Variants in OLFM3 observed in about 807,000 individuals in gnomAD.
OLFM3 encodes the protein olfactomedin 3.
OLFM3 carries 20 observed loss-of-function variants against 48.6 expected under a neutral mutation model. The ratio of observed to expected loss-of-function variants is 0.41; its 90% confidence interval spans 0.29 to 0.60. OLFM3 has a LOEUF of 0.60. OLFM3 is among the 20% of genes least tolerant of loss of function. The pLI, the probability that OLFM3 is intolerant of heterozygous loss-of-function variation, is 0.28. For missense variants in OLFM3, 437 were observed against 544.3 expected (o/e 0.80, Z 1.96); for synonymous variants, 222 against 198.1 (o/e 1.12, Z -1.01).
At chr1:101,808,150 T>C (rs1255343318) in intron 4 of OLFM3, among the ~76,000 whole-genome samples, 1 of 151,768 alleles carries the variant, frequency 6.6e-6, no homozygotes, top group African/African-American at 2.4e-5. Flanking sequence ...TGATTTTTTT[T>C]CTAAGCATGG....
intron 1 of OLFM3, among the ~76,000 whole-genome samples, chr1:101,897,731 T>G (rs1462791211): frequency 6.6e-6 from 1 of 152,172 alleles, no homozygotes; most frequent in Non-Finnish European, 1.5e-5. Context: ...CATTAAAATA[T>G]GAAATAAATC....
At chr1:101,989,503 G>C (rs1290038293) in intron 1 of OLFM3, among the ~76,000 whole-genome samples, 1 of 152,016 alleles carries the variant, frequency 6.6e-6, no homozygotes, top group Non-Finnish European at 1.5e-5. Flanking sequence ...ATTATGGTAT[G>C]GTGTGTAAGT....
intron 1 of OLFM3, among the ~76,000 whole-genome samples, chr1:101,872,428 A>G (rs1255800370): frequency 6.6e-6 from 1 of 152,030 alleles, no homozygotes; most frequent in African/African-American, 2.4e-5. Context: ...GATTGATTGG[A>G]TAGGAGAAAA....
intron 1 of OLFM3, among the ~76,000 whole-genome samples, chr1:101,888,835 G>T (rs1657875934): frequency 6.6e-6 from 1 of 152,056 alleles, no homozygotes; most frequent in South Asian, 2.1e-4. Flanking sequence ...TCAAAAAGTG[G>T]GCAAAGGATA....
At chr1:101,874,850 G>A (rs1657235444) in intron 1 of OLFM3, among the ~76,000 whole-genome samples, 2 of 151,960 alleles carry the variant, frequency 1.3e-5, no homozygotes, top group South Asian at 4.1e-4. Context: ...TTCCCCAACT[G>A]GCTAGGTAGT....
chr1:101,844,137 G>A (rs1045518379), intron 1 of OLFM3, among the ~76,000 whole-genome samples: 11 of 152,156 alleles, frequency 7.2e-5, no homozygotes, highest in African/African-American at 2.7e-4. Context: ...TTGAGAGGCA[G>A]CAGGAAGAAT....
intron 1 of OLFM3, among the ~76,000 whole-genome samples, chr1:101,993,978 G>T (rs556367787): frequency 6.7e-6 from 1 of 149,568 alleles, no homozygotes; most frequent in East Asian, 2.0e-4. Context: ...GACACACACC[G>T]CATTATAAAT....
Position 101,804,382 on chromosome 1 carries a change from G to A in OLFM3, c.1233C>T (p.Asp411=), listed in dbSNP as rs773578725. 6 of 1,612,564 alleles carry A rather than the reference G, an allele frequency of 3.7e-6. No homozygotes were observed. Among genetic ancestry groups the A allele is most frequent in the Admixed American group, 1.7e-5 (1 of 59,918 alleles). Residue 411 remains aspartate (D), a synonymous_variant, in exon 6 of 6, where the codon GAC becomes GAT. Transcript: ENST00000370103. This position sits in a 1 kb window ranked among gnomAD's most constrained non-coding sequence, Gnocchi z 4.5. ...STKTSTYEYT[D]IPFHNQYFHI... ...GAAAGTATTGGTTATGGAAGGGAAT[G>A]TCTGTGTACTCATATGTGGAGGTTT...
At chr1:101,847,429 C>G (rs974749826) in intron 1 of OLFM3, among the ~76,000 whole-genome samples, 1 of 151,254 alleles carries the variant, frequency 6.6e-6, no homozygotes, top group Non-Finnish European at 1.5e-5. Flanking sequence ...AACTTAATAT[C>G]TACAGATTTC....
chr1:101,949,905 C>A (rs528857924), intron 1 of OLFM3, among the ~76,000 whole-genome samples: 1 of 122,874 alleles, frequency 8.1e-6, no homozygotes. Context: ...ACACTCCAGC[C>A]TGGGCAACAG....
chr1:101,979,082 G>T lies in OLFM3; in HGVS notation c.69+17666C>A, dbSNP rs576449581. Among the ~76,000 whole-genome samples the T allele has an allele frequency of 1.3e-5, 2 of 152,262 alleles. 1 individual carries two copies. Among genetic ancestry groups the T allele is most frequent in the South Asian group, 4.1e-4 (2 of 4,820 alleles). On this transcript the variant is annotated intron_variant, in intron 1 of 5. Coordinates refer to ENST00000370103, the MANE Select transcript of OLFM3 (RefSeq NM_058170.4). ...GAACAAAAGTGAACCCTATTCTTCT[G>T]TATGTCTTGTGGGGGGGCATGCAGA...
Position 101,812,588 on chromosome 1 carries a change from C to T in OLFM3, c.593-6406G>A, listed in dbSNP as rs140585182. 199 of 985,528 alleles carry T rather than the reference C, an allele frequency of 2.0e-4. No homozygotes were observed. In the African/African-American group the frequency reaches 3.2e-3, roughly 16 times the overall value. 61.0% of individuals were successfully genotyped at this position (985,528 alleles called of 1,614,324 possible). On this transcript the variant is annotated intron_variant, in intron 4 of 5. Transcript: ENST00000370103. ...CATACCATGAGCCTTATCTAATCGA[C>T]ATTTCCAAACAACCCACAGCACATC...
rs1371747239 is a variant in OLFM3 at position 101,825,567 on chromosome 1, AT to A, written c.373-323del. ...ATTTCATTTTCTGGTAACATTTTAT[AT>A]AGTGAACAATGTATTATCTAGTTAG... On this transcript the variant is annotated intron_variant, in intron 3 of 5. Transcript: ENST00000370103. 1.6e-4 allele frequency among the ~76,000 whole-genome samples: 24 copies of A among 152,228 alleles called. No homozygotes were observed. The South Asian group carries it at 3.7e-3, about 24-fold the overall frequency.
chr1:101,847,216 C>T (rs1656040490), intron 1 of OLFM3: 1 of 244,424 alleles, frequency 4.1e-6, no homozygotes. Flanking sequence ...TCTTGATAGG[C>T]TTGGTTGGTA....
intron 1 of OLFM3, among the ~76,000 whole-genome samples, chr1:101,963,705 T>G (rs1275467618): frequency 3.3e-5 from 5 of 152,190 alleles, no homozygotes; most frequent in Non-Finnish European, 7.3e-5. Flanking sequence ...ATATCATTGG[T>G]TTTGATAAGG....
At chr1:101,925,007 A>G (rs781296661) in intron 1 of OLFM3, among the ~76,000 whole-genome samples, 1 of 152,184 alleles carries the variant, frequency 6.6e-6, no homozygotes, top group Admixed American at 6.5e-5. Flanking sequence ...AAAGAGGTTA[A>G]GAGACATGAA....
intron 4 of OLFM3, chr1:101,813,133 CT>C: frequency 2.3e-6 from 3 of 1,281,182 alleles, no homozygotes; most frequent in Non-Finnish European, 3.1e-6. Flanking sequence ...CTTCTTTTCT[CT>C]TTTTTAAATC....
intron 4 of OLFM3, chr1:101,813,191 G>T: frequency 2.3e-6 from 2 of 854,238 alleles, no homozygotes; most frequent in Non-Finnish European, 3.3e-6. Flanking sequence ...GACCAAATCT[G>T]TATTGAGAAG....
chr1:101,851,754 C>T (rs1262974234), intron 1 of OLFM3, among the ~76,000 whole-genome samples: 1 of 152,104 alleles, frequency 6.6e-6, no homozygotes, highest in Non-Finnish European at 1.5e-5. Context: ...CCTGTGCCCA[C>T]ATAGTGTACC....
Sources: allele counts gnomAD v4.1 joint callset (sites outside exome capture counted in the v4.1 genomes callset), GRCh38; gene constraint gnomAD v4.1.1; non-coding constraint Gnocchi (gnomAD v3.1); transcripts MANE v1.5; gene names NCBI Gene and HGNC (gene_info 2026-07-23, HGNC 2026-07-21).